The following SLC6A6 variants were observed in gnomAD, a reference collection of about 807,000 sequenced individuals.
The protein encoded by SLC6A6 is solute carrier family 6 member 6, also known as sodium- and chloride-dependent taurine transporter.
SLC6A6 carries 16 observed loss-of-function variants against 68.8 expected under a neutral mutation model. That is an observed-to-expected ratio of 0.23 (90% CI 0.16 to 0.35). SLC6A6 has a LOEUF of 0.35. SLC6A6 is among the 10% of genes least tolerant of loss of function. The pLI, the probability that SLC6A6 is intolerant of heterozygous loss-of-function variation, is 1.00. For synonymous variants in SLC6A6, 312 were observed against 315.4 expected, an observed-to-expected ratio of 0.99 and a Z score of 0.12; for missense variants, 474 against 802.8, an observed-to-expected ratio of 0.59 and a Z score of 4.95.
chr3:14,472,417 C>G lies in SLC6A6; in HGVS notation c.1209+100C>G, dbSNP rs2289127. On this transcript the variant is annotated intron_variant, in intron 10 of 14. Transcript: ENST00000622186. The surrounding 1 kb of genome is among the most constrained non-coding windows in gnomAD (Gnocchi z 4.5). ...CTGGGAGGTGGTCAACCCCCTTCCC[C>G]CCTCCAGTCAGACTTCCAGTGCTTC... is the stretch of plus-strand genomic sequence containing the variant. 3 of 736,244 alleles carry G rather than the reference C, an allele frequency of 4.1e-6. No individual in the cohort carries two copies. Among genetic ancestry groups the G allele is most frequent in the South Asian group, 1.6e-5 (1 of 63,638 alleles). The allele number at this position is 736,244 out of a possible 1,614,324, so 45.6% of individuals were successfully genotyped here.
At position 14,485,176 on chromosome 3, in the gene SLC6A6, G is replaced by GTGTGTT; in HGVS notation, c.*170_*171insGTGTTT. On this transcript the variant is annotated 3_prime_UTR_variant, in exon 15 of 15. Coordinates refer to ENST00000622186, the MANE Select transcript of SLC6A6 (RefSeq NM_003043.6). ...TGTGCGTGCGTGTGTGTGTGTGTGT[G>GTGTGTT]TATCGTGTGTGTGTGTTTTGTTTTG... is the stretch of plus-strand genomic sequence containing the variant. 1 of 482,674 alleles carries GTGTGTT rather than the reference G, an allele frequency of 2.1e-6. No homozygotes were observed. Among genetic ancestry groups the GTGTGTT allele is most frequent in the Admixed American group, 3.6e-5 (1 of 27,540 alleles). The allele number at this position is 482,674 out of a possible 1,614,324, so 29.9% of individuals were successfully genotyped here. A position where few individuals can be genotyped will look rare whatever the true frequency, so the allele number is the denominator to read the frequency against.
intron 1 of SLC6A6, among the ~76,000 whole-genome samples, chr3:14,408,862 A>T (rs7616474): frequency 6.6e-6 from 1 of 151,456 alleles, no homozygotes; most frequent in East Asian, 2.0e-4. Context: ...GCTGGAGTGC[A>T]GTGGCGTGAT....
Position 14,486,944 on chromosome 3 carries a change from TG to T in SLC6A6, c.*1939del, listed in dbSNP as rs1701184123. 1 of 152,394 alleles carries T rather than the reference TG, an allele frequency of 6.6e-6. No individual in the cohort carries two copies. The highest frequency in any genetic ancestry group is 1.5e-5 in the Non-Finnish European group (1 of 68,060). The allele number at this position is 152,394 out of a possible 1,614,324, so 9.4% of individuals were successfully genotyped here. On this transcript the variant is annotated 3_prime_UTR_variant, in exon 15 of 15. Coordinates refer to ENST00000622186, the MANE Select transcript of SLC6A6 (RefSeq NM_003043.6). ...TTGTTCCTGTTTTTCTATGTATTTA[TG>T]GTTGCCGTTTGTGTCTGATTTGATT...
At position 14,481,636 on chromosome 3, in the gene SLC6A6, G is replaced by GCCCCC; in HGVS notation, c.1552-35_1552-34insCCCCC. The GCCCCC allele has an allele frequency of 7.1e-7, 1 of 1,412,386 alleles. No homozygotes were observed. Among genetic ancestry groups the GCCCCC allele is most frequent in the Non-Finnish European group, 9.8e-7 (1 of 1,018,596 alleles). The allele number at this position is 1,412,386 out of a possible 1,614,324, so 87.5% of individuals were successfully genotyped here. The stretch of plus-strand genomic sequence containing the variant: ...GAAGCCCCCCACCCCCCGATGCCCA[G>GCCCCC]GACCCCTCTCCTGACTGCCCCCATC... On this transcript the variant is annotated intron_variant, in intron 13 of 14. Coordinates refer to ENST00000622186, the MANE Select transcript of SLC6A6 (RefSeq NM_003043.6). The surrounding 1 kb of genome is among the most constrained non-coding windows in gnomAD (Gnocchi z 4.7).
Position 14,468,343 on chromosome 3 carries a change from CCCG to C in SLC6A6, c.1096+134_1096+136del. ...CCTGGTTTCTAAAATGGACCCCCCCCCCGCCACCAAGATATCCCCCAAATTTCA... is the reference window on the plus strand; with the variant it reads ...CCTGGTTTCTAAAATGGACCCCCCCCCCACCAAGATATCCCCCAAATTTCA... On this transcript the variant is annotated intron_variant, in intron 9 of 14. Transcript: ENST00000622186. The surrounding 1 kb of genome is among the most constrained non-coding windows in gnomAD (Gnocchi z 4.5). 1 of 734,518 alleles carries C rather than the reference CCCG, an allele frequency of 1.4e-6. No individual in the cohort carries two copies. The highest frequency in any genetic ancestry group is 2.1e-6 in the Non-Finnish European group (1 of 478,900). The allele number at this position is 734,518 out of a possible 1,614,324, so 45.5% of individuals were successfully genotyped here.
Position 14,481,079 on chromosome 3 carries a change from C to G in SLC6A6, c.1552-592C>G, listed in dbSNP as rs1700995845. Among the ~76,000 whole-genome samples, 2 of 152,228 alleles carry G rather than the reference C, an allele frequency of 1.3e-5. No homozygotes were observed. Among genetic ancestry groups the G allele is most frequent in the African/African-American group, 2.4e-5 (1 of 41,452 alleles). On this transcript the variant is annotated intron_variant, in intron 13 of 14. Coordinates refer to ENST00000622186, the MANE Select transcript of SLC6A6 (RefSeq NM_003043.6). This position sits in a 1 kb window ranked among gnomAD's most constrained non-coding sequence, Gnocchi z 4.7. ...CTTGTTGTATGTACCTGGAGCTGCA[C>G]TGGGTGTTAAAGAACTAGGACAAGA...
At position 14,408,235 on chromosome 3, in the gene SLC6A6, A is replaced by G. The variant is rs116368387; in HGVS notation, c.-54+5388A>G. On this transcript the variant is annotated intron_variant, in intron 1 of 14. Transcript: ENST00000622186. ...AAAGTAATATACCTCAAGCAATACGAAACTGCATAAACTAAAAAGTGATCC... is the reference window on the plus strand; with the variant it reads ...AAAGTAATATACCTCAAGCAATACGGAACTGCATAAACTAAAAAGTGATCC... Among the ~76,000 whole-genome samples the G allele has an allele frequency of 3.1e-3, 467 of 152,342 alleles. 2 individuals are homozygous for G. The highest frequency in any genetic ancestry group is 0.011 in the African/African-American group (444 of 41,572).
At position 14,477,475 on chromosome 3, in the gene SLC6A6, T is replaced by A; in HGVS notation, c.1347+133T>A. The A allele has an allele frequency of 1.1e-6, 1 of 888,914 alleles. No individual in the cohort carries two copies. The highest frequency in any genetic ancestry group is 1.8e-6 in the Non-Finnish European group (1 of 567,846). The allele number at this position is 888,914 out of a possible 1,614,324, so 55.1% of individuals were successfully genotyped here. On this transcript the variant is annotated intron_variant, in intron 11 of 14. Transcript: ENST00000622186. This position sits in a 1 kb window ranked among gnomAD's most constrained non-coding sequence, Gnocchi z 4.2. The stretch of plus-strand genomic sequence containing the variant: ...CCAGCCCCACCCAATTCAGGGGTCC[T>A]GCTTGGACCAACACTGGGGGTAGCA...
chr3:14,427,070 T>G (rs1699616488), intron 2 of SLC6A6, among the ~76,000 whole-genome samples: 1 of 145,540 alleles, frequency 6.9e-6, no homozygotes, highest in Non-Finnish European at 1.5e-5. Flanking sequence ...CATGCTCAGG[T>G]ACTCTGAGGC....
chr3:14,443,997 G>A (rs748468265), intron 3 of SLC6A6, 134 bp downstream of exon 3: 2 of 643,564 alleles, frequency 3.1e-6, no homozygotes, highest in South Asian at 1.8e-5. Context: ...CATGAGGTCA[G>A]CCTGCCATGC....
rs1404229944 is a variant in SLC6A6, at chr3:14,472,476, GA to G, written c.1209+164del. ...GGGTTCCTCCAGGACACCAGGAATAGAAAAAGCTCTGCGTCCCCAGAAAGTG... is the reference window on the plus strand; with the variant it reads ...GGGTTCCTCCAGGACACCAGGAATAGAAAAGCTCTGCGTCCCCAGAAAGTG... On this transcript the variant is annotated intron_variant, in intron 10 of 14. Coordinates refer to ENST00000622186, the MANE Select transcript of SLC6A6 (RefSeq NM_003043.6). The surrounding 1 kb of genome is among the most constrained non-coding windows in gnomAD (Gnocchi z 4.5). 6.6e-6 allele frequency among the ~76,000 whole-genome samples: 1 copy of G among 152,186 alleles called. No individual in the cohort carries two copies. Among genetic ancestry groups the G allele is most frequent in the Non-Finnish European group, 1.5e-5 (1 of 68,030 alleles).
chr3:14,466,077 C>G (rs182536290), intron 6 of SLC6A6, among the ~76,000 whole-genome samples: 1 of 151,948 alleles, frequency 6.6e-6, no homozygotes, highest in Non-Finnish European at 1.5e-5. Context: ...GCCTGGCCAA[C>G]CTGGTGAAAC....
At position 14,447,705 on chromosome 3, in the gene SLC6A6, A is replaced by T; in HGVS notation, c.488A>T (p.Asn163Ile). ...AAGGAGCTGCCCTGGGCACACTGCA[A>T]CCACAGCTGGAACACACCTCACTGC... ...FQKELPWAHC[N>I]HSWNTPHCME... Residue 163 changes from asparagine to isoleucine, a missense_variant, in exon 5 of 15, where the codon AAC becomes ATC. Transcript: ENST00000622186. 1 of 1,614,258 alleles carries T rather than the reference A, an allele frequency of 6.2e-7. No homozygotes were observed. The highest frequency in any genetic ancestry group is 8.5e-7 in the Non-Finnish European group (1 of 1,180,034).
chr3:14,473,016 G>A (rs908065485), intron 10 of SLC6A6, among the ~76,000 whole-genome samples: 6 of 152,084 alleles, frequency 3.9e-5, no homozygotes, highest in Non-Finnish European at 5.9e-5. Flanking sequence ...TCTAAACCCC[G>A]TATCCCACCC....
At position 14,484,977 on chromosome 3, in the gene SLC6A6, G is replaced by T; in HGVS notation, c.1833G>T (p.Pro611=). ...RTVMNGALVK[P]THIIVETMM The stretch of plus-strand genomic sequence containing the variant: ...TCATGAACGGCGCTCTCGTGAAACC[G>T]ACCCACATCATTGTGGAGACCATGA... Residue 611 remains proline (P), a synonymous_variant, in exon 15 of 15, where the codon CCG becomes CCT. Coordinates refer to ENST00000622186, the MANE Select transcript of SLC6A6 (RefSeq NM_003043.6). 3 of 1,613,010 alleles carry T rather than the reference G, an allele frequency of 1.9e-6. No homozygotes were observed. Among genetic ancestry groups the T allele is most frequent in the Non-Finnish European group, 1.7e-6 (2 of 1,179,696 alleles).
rs985155841 is a variant in SLC6A6 at position 14,447,871 on chromosome 3, G to A, written c.599+55G>A. 5.6e-6 allele frequency: 9 copies of A among 1,598,350 alleles called. No homozygotes were observed. In the South Asian group the frequency reaches 8.9e-5, roughly 16 times the overall value. On this transcript the variant is annotated intron_variant, in intron 5 of 14. Transcript: ENST00000622186. ...GGACATGGGTGGGGCAGAGAGGATG[G>A]CCCACTTCCTTATCTCCTCCCCTGG... is the stretch of plus-strand genomic sequence containing the variant.
intron 2 of SLC6A6, among the ~76,000 whole-genome samples, chr3:14,441,575 C>G (rs1699988890): frequency 6.6e-6 from 1 of 152,198 alleles, no homozygotes; most frequent in African/African-American, 2.4e-5. Flanking sequence ...GTCCCCCACC[C>G]CGAGCCAGGG....
intron 1 of SLC6A6, among the ~76,000 whole-genome samples, chr3:14,406,032 G>T (rs1473676355): frequency 6.6e-6 from 1 of 152,200 alleles, no homozygotes; most frequent in Non-Finnish European, 1.5e-5. Flanking sequence ...TGGAGAAACA[G>T]GATGGGCTGG....
intron 2 of SLC6A6, among the ~76,000 whole-genome samples, chr3:14,426,891 GC>G (rs1053897078): frequency 1.3e-5 from 2 of 152,162 alleles, no homozygotes; most frequent in African/African-American, 4.8e-5. Flanking sequence ...GTCCTTCAGG[GC>G]CTGGGAATGG....
Sources: allele counts gnomAD v4.1 joint callset (sites outside exome capture counted in the v4.1 genomes callset), GRCh38; gene constraint gnomAD v4.1.1; non-coding constraint Gnocchi (gnomAD v3.1); transcripts MANE v1.5; gene names NCBI Gene and HGNC (gene_info 2026-07-23, HGNC 2026-07-21).